RPA2: variants seen among roughly 807,000 people sequenced by gnomAD.
RPA2 encodes the protein replication protein A 32 kDa subunit.
In RPA2, 22 loss-of-function variants were observed where a neutral mutation model predicts 33.4. That is an observed-to-expected ratio of 0.66 (90% CI 0.47 to 0.94). The LOEUF is 0.94. RPA2 is among the 40% of genes least tolerant of loss of function. RPA2 has a pLI of 0.00. For missense variants in RPA2, 279 were observed against 329.9 expected, an observed-to-expected ratio of 0.85 and a Z score of 1.19; for synonymous variants, 109 against 114.9, an observed-to-expected ratio of 0.95 and a Z score of 0.33.
At chr1:27,896,876 G>A in intron 6 of RPA2, 129 bp downstream of exon 6, 4 of 624,706 alleles carry the variant, frequency 6.4e-6, no homozygotes, top group Non-Finnish European at 8.5e-6. Flanking sequence ...TGGAGAAAGT[G>A]TTCTGAGGAC....
intron 4 of RPA2, among the ~76,000 whole-genome samples, chr1:27,900,307 T>C (rs964841126): frequency 5.3e-5 from 8 of 152,132 alleles, no homozygotes; most frequent in African/African-American, 1.9e-4. Context: ...AGACGGGGTT[T>C]TACCTTATTG....
At position 27,897,040 on chromosome 1, in the gene RPA2, T is replaced by C; in HGVS notation, c.490A>G (p.Asn164Asp). 2 of 1,613,672 alleles carry C rather than the reference T, an allele frequency of 1.2e-6. No individual in the cohort carries two copies. The highest frequency in any genetic ancestry group is 2.2e-5 in the South Asian group (2 of 91,032). ...GCTTTGCTTAGTACCATGTGTGCAT[T>C]GATCACTTCCAGAATATGTGTGGTG... ...EFTTHILEVI[N>D]AHMVLSKANS... Residue 164 changes from asparagine (N) to aspartate (D), a missense_variant, in exon 6 of 9, where the codon AAT becomes GAT. Transcript: ENST00000373912.
rs140768296 is a variant in RPA2 at position 27,913,734 on chromosome 1, T to C, written c.117+329A>G. ...GAGTCGGAGACCAGCCTGGGCAACA[T>C]AGTGAGACCCCATCTCTATTTTAAA... On this transcript the variant is annotated intron_variant, in intron 2 of 8. Transcript: ENST00000373912. Among the ~76,000 whole-genome samples, 24 of 152,164 alleles carry C rather than the reference T, an allele frequency of 1.6e-4. No individual in the cohort carries two copies. The East Asian group carries it at 4.5e-3, about 28-fold the overall frequency.
chr1:27,907,222 C>T lies in RPA2; in HGVS notation c.178G>A (p.Val60Ile). 1 of 1,614,042 alleles carries T rather than the reference C, an allele frequency of 6.2e-7. No homozygotes were observed. The highest frequency in any genetic ancestry group is 8.5e-7 in the Non-Finnish European group (1 of 1,179,986). The change falls in exon 3 of 9, where the codon GTT (valine) becomes ATT (isoleucine). Residue 60 changes from valine (V) to isoleucine (I), a missense_variant. By Grantham distance (29) the Val-to-Ile change is conservative (BLOSUM62 3). Around this residue, in one of 2 missense-constraint regions of RPA2, gnomAD observed 274 missense variants for 310.3 expected, o/e 0.88. Coordinates refer to ENST00000373912, the MANE Select transcript of RPA2 (RefSeq NM_002946.5). Reference protein sequence around the residue: ...TISQLLSATLVDEVFRIGNVE... With the variant: ...TISQLLSATLIDEVFRIGNVE... ...TTCCCAATTCTGAACACTTCATCAA[C>T]CAAAGTGGCAGAAAGCAGCTGAGAT... is the stretch of plus-strand genomic sequence containing the variant.
At position 27,914,439 on chromosome 1, in the gene RPA2, C is replaced by T; in HGVS notation, c.5G>A (p.Trp2Ter). 1 of 1,600,402 alleles carries T rather than the reference C, an allele frequency of 6.2e-7. No homozygotes were observed. The highest frequency in any genetic ancestry group is 8.5e-7 in the Non-Finnish European group (1 of 1,172,252). ...CCCCGCACCCCCATCATTACTGTTC[C>T]ACATCTTGGTCACGATTCTCCGCAA... The part of the protein sequence containing the change: M[W>*]NSGFESYGSS... Residue 2 changes from tryptophan (W) to a stop codon, truncating the protein, a stop_gained, in exon 1 of 9, where the codon TGG (tryptophan) becomes TAG (stop). Transcript: ENST00000373912. LOFTEE classifies it high-confidence loss of function.
chr1:27,893,226 T>A (rs1377620105), intron 8 of RPA2, among the ~76,000 whole-genome samples: 1 of 152,230 alleles, frequency 6.6e-6, no homozygotes, highest in African/African-American at 2.4e-5. Flanking sequence ...AGTGATGTGA[T>A]GGGTAGCACC....
chr1:27,896,674 G>T (rs1371456956), intron 6 of RPA2, among the ~76,000 whole-genome samples: 2 of 152,110 alleles, frequency 1.3e-5, no homozygotes, highest in Non-Finnish European at 2.9e-5. Flanking sequence ...TCCTGAAGGG[G>T]ACTACTCTCT....
At chr1:27,900,060 C>G (rs181048690) in intron 4 of RPA2, among the ~76,000 whole-genome samples, 2 of 152,192 alleles carry the variant, frequency 1.3e-5, no homozygotes. Flanking sequence ...CCACCCGCCT[C>G]CGCCTCCCAA....
chr1:27,910,293 C>G (rs887439214), intron 2 of RPA2, among the ~76,000 whole-genome samples: 1 of 152,164 alleles, frequency 6.6e-6, no homozygotes, highest in African/African-American at 2.4e-5. Flanking sequence ...GTGCTAATAC[C>G]AATCTCTACA....
At position 27,891,938 on chromosome 1, in the gene RPA2, C is replaced by G; in HGVS notation, c.*225G>C. ...TTATTTGTAACTTCCTCAAGAAATCCCACCCTGGATTGCATCCCTGTCAAT... is the reference window on the plus strand; with the variant it reads ...TTATTTGTAACTTCCTCAAGAAATCGCACCCTGGATTGCATCCCTGTCAAT... On this transcript the variant is annotated 3_prime_UTR_variant, in exon 9 of 9. Coordinates refer to ENST00000373912, the MANE Select transcript of RPA2 (RefSeq NM_002946.5). 1 of 478,406 alleles carries G rather than the reference C, an allele frequency of 2.1e-6. No homozygotes were observed. The highest frequency in any genetic ancestry group is 3.8e-6 in the Non-Finnish European group (1 of 264,992). The allele number at this position is 478,406 out of a possible 1,614,324, so 29.6% of individuals were successfully genotyped here. A position where few individuals can be genotyped will look rare whatever the true frequency, so the allele number is the denominator to read the frequency against.
At chr1:27,913,571 G>C (rs902047971) in intron 2 of RPA2, among the ~76,000 whole-genome samples, 1 of 148,820 alleles carries the variant, frequency 6.7e-6, no homozygotes, top group African/African-American at 2.5e-5. Flanking sequence ...CTGGGCAACA[G>C]AGTGAGGTTC....
chr1:27,905,980 T>C (rs1459768829), intron 4 of RPA2, among the ~76,000 whole-genome samples: 1 of 151,564 alleles, frequency 6.6e-6, no homozygotes, highest in African/African-American at 2.4e-5. Flanking sequence ...ATGTTGCAAA[T>C]ATTTTCCACA....
intron 2 of RPA2, 59 bp from the exon 3 acceptor site, chr1:27,907,341 C>CA: frequency 7.7e-7 from 1 of 1,292,010 alleles, no homozygotes; most frequent in Non-Finnish European, 1.1e-6. Flanking sequence ...ACTCATTCAA[C>CA]ACCTGCCATG....
Position 27,891,961 on chromosome 1 carries a change from A to T in RPA2, c.*202T>A. ...TCCCACCCTGGATTGCATCCCTGTC[A>T]ATTGCCCATCTCCCTCTGAGCTTCA... On this transcript the variant is annotated 3_prime_UTR_variant, in exon 9 of 9. Coordinates refer to ENST00000373912, the MANE Select transcript of RPA2 (RefSeq NM_002946.5). The T allele has an allele frequency of 2.0e-6, 1 of 501,672 alleles. No homozygotes were observed. The highest frequency in any genetic ancestry group is 3.6e-6 in the Non-Finnish European group (1 of 277,422). 31.1% of individuals were successfully genotyped at this position (501,672 alleles called of 1,614,324 possible).
chr1:27,907,406 C>A, intron 2 of RPA2, 124 bp from the exon 3 acceptor site: 1 of 807,608 alleles, frequency 1.2e-6, no homozygotes, highest in Non-Finnish European at 1.9e-6. Flanking sequence ...ATCTCATTAT[C>A]CTTGCTTCAG....
Position 27,907,180 on chromosome 1 carries a change from C to T in RPA2, c.219+1G>A. On this transcript the variant is annotated splice_donor_variant, in intron 3 of 8. Coordinates refer to ENST00000373912, the MANE Select transcript of RPA2 (RefSeq NM_002946.5). LOFTEE classifies it high-confidence loss of function. Reference sequence around the variant, plus strand: ...ATTCTTTCACAAATTATTTGACATACCTGTGAAATCTCAACATTCCCAATT... The same window carrying T: ...ATTCTTTCACAAATTATTTGACATATCTGTGAAATCTCAACATTCCCAATT... 1.9e-6 allele frequency: 3 copies of T among 1,609,482 alleles called. No homozygotes were observed. The highest frequency in any genetic ancestry group is 2.5e-6 in the Non-Finnish European group (3 of 1,177,394).
chr1:27,898,377 T>C (rs2089918588), intron 4 of RPA2, among the ~76,000 whole-genome samples: 1 of 152,202 alleles, frequency 6.6e-6, no homozygotes, highest in East Asian at 1.9e-4. Context: ...TTCTATTTAC[T>C]GCCTGGAAAA....
chr1:27,907,914 T>A (rs1180806049), intron 2 of RPA2, among the ~76,000 whole-genome samples: 3 of 152,122 alleles, frequency 2.0e-5, no homozygotes, highest in African/African-American at 7.2e-5. Flanking sequence ...AATGGCGTGA[T>A]CTCAGCTCAC....
chr1:27,911,945 C>T (rs952218741), intron 2 of RPA2, among the ~76,000 whole-genome samples: 1 of 151,758 alleles, frequency 6.6e-6, no homozygotes, highest in Non-Finnish European at 1.5e-5. Context: ...ATACAAAAAA[C>T]TAGCCGGGTG....
Sources: gnomAD v4.1 joint callset for allele counts (sites outside exome capture counted in the v4.1 genomes callset) on GRCh38, gnomAD v4.1.1 for gene constraint, gnomAD v4.1.1 regional missense constraint, MANE v1.5 for transcripts, NCBI Gene and HGNC (gene_info 2026-07-23, HGNC 2026-07-21) for gene names.